Variants in OAS1 observed in about 807,000 individuals in gnomAD.
The protein encoded by OAS1 is 2'-5'-oligoadenylate synthase 1.
In OAS1, 24 loss-of-function variants were observed where a neutral mutation model predicts 38.5. That is an observed-to-expected ratio of 0.62 (90% CI 0.45 to 0.88). The LOEUF is 0.88. Among genes scored for constraint, OAS1 ranks in the 40% least tolerant of loss-of-function variants. The pLI is 0.00. For synonymous variants in OAS1, 169 were observed against 193.9 expected (o/e 0.87, Z 1.07); for missense variants, 482 against 493.9 (o/e 0.98, Z 0.23).
chr12:112,907,140 T>C lies in OAS1; in HGVS notation c.101T>C (p.Ile34Thr), dbSNP rs1023012042. The change falls in exon 1 of 6, where the codon ATT becomes ACT. Residue 34 changes from isoleucine (I) to threonine (T), a missense_variant. Ile to Thr is a moderately conservative substitution (Grantham distance 89). Coordinates refer to ENST00000202917, the MANE Select transcript of OAS1 (RefSeq NM_016816.4). ...TCFRMQINHAIDIICGFLKER... is the reference protein window; with the variant it reads ...TCFRMQINHATDIICGFLKER... ...TTCCGCATGCAAATCAACCATGCCA[T>C]TGACATCATCTGTGGGTTCCTGAAG... is the stretch of plus-strand genomic sequence containing the variant. The C allele has an allele frequency of 1.2e-6, 2 of 1,614,120 alleles. No individual in the cohort carries two copies. The highest frequency in any genetic ancestry group is 8.5e-7 in the Non-Finnish European group (1 of 1,180,050).
At chr12:112,921,385 AGT>A (rs2043527529), downstream of OAS1, among the ~76,000 whole-genome samples, 1 of 152,096 alleles carries the variant, frequency 6.6e-6, no homozygotes, top group South Asian at 2.1e-4. Flanking sequence ...GCCTTTTGAG[AGT>A]GTTTCATTTT....
intron 3 of OAS1, among the ~76,000 whole-genome samples, chr12:112,914,712 A>G (rs1462481739): frequency 7.1e-6 from 1 of 140,330 alleles, no homozygotes; most frequent in Non-Finnish European, 1.6e-5. Context: ...GCATTTTTCC[A>G]TATGCTTGTT....
At chr12:112,907,339 A>G in intron 1 of OAS1, 120 bp downstream of exon 1, 1 of 901,418 alleles carries the variant, frequency 1.1e-6, no homozygotes, top group Non-Finnish European at 1.7e-6. Flanking sequence ...AAATGTGAGT[A>G]CAGAGAGCTG....
intron 2 of OAS1, among the ~76,000 whole-genome samples, chr12:112,909,543 C>T (rs998078677): frequency 2.6e-5 from 4 of 152,106 alleles, no homozygotes; most frequent in African/African-American, 4.8e-5. Context: ...TGCCTGTGGT[C>T]GCAGTTATTC....
chr12:112,919,714 C>T lies in OAS1; in HGVS notation c.*161C>T. On this transcript the variant is annotated 3_prime_UTR_variant, in exon 6 of 6. Transcript: ENST00000202917. ...CCTGACTCCTGGCCTTCTATGCCCT[C>T]TATCCTATCATAGATAACATTCTCC... The T allele has an allele frequency of 6.6e-7, 1 of 1,522,740 alleles. No individual in the cohort carries two copies. Among genetic ancestry groups the T allele is most frequent in the Non-Finnish European group, 8.8e-7 (1 of 1,131,334 alleles). 94.3% of individuals were successfully genotyped at this position (1,522,740 alleles called of 1,614,324 possible).
chr12:112,919,579 G>T lies in OAS1; in HGVS notation c.*26G>T, dbSNP rs1168580428. 1.2e-6 allele frequency: 2 copies of T among 1,614,098 alleles called. No homozygotes were observed. Among genetic ancestry groups the T allele is most frequent in the African/African-American group, 1.3e-5 (1 of 74,940 alleles). ...ATGCCAGTGCATCTTGGGGGAAAGG[G>T]CTCCAGTGTTATCTGGACCAGTTCC... On this transcript the variant is annotated 3_prime_UTR_variant, in exon 6 of 6. Transcript: ENST00000202917.
chr12:112,910,971 C>A, intron 2 of OAS1, 80 bp from the exon 3 acceptor site: 1 of 1,347,592 alleles, frequency 7.4e-7, no homozygotes. Flanking sequence ...ACCCCATGGC[C>A]AGGGAGATTG....
chr12:112,923,044 CTGTA>C (rs1407309298), downstream of OAS1, among the ~76,000 whole-genome samples: 1 of 152,176 alleles, frequency 6.6e-6, no homozygotes, highest in East Asian at 1.9e-4. Context: ...TTTTTAAAGG[CTGTA>C]TGTGCACTGT....
At chr12:112,928,728 A>G (rs759819293) in intron 6 of OAS1, among the ~76,000 whole-genome samples, 18 of 152,238 alleles carry the variant, frequency 1.2e-4, no homozygotes, top group Non-Finnish European at 2.5e-4. Flanking sequence ...TCCACTGGCC[A>G]TGCAAGTCAC....
At chr12:112,927,547 C>T (rs974216012) in intron 6 of OAS1, among the ~76,000 whole-genome samples, 3 of 152,160 alleles carry the variant, frequency 2.0e-5, no homozygotes, top group African/African-American at 7.2e-5. Flanking sequence ...CCACAAATGG[C>T]GAGGCCTCCA....
chr12:112,924,233 G>T (rs2043546318), downstream of OAS1, among the ~76,000 whole-genome samples: 1 of 151,978 alleles, frequency 6.6e-6, no homozygotes, highest in South Asian at 2.1e-4. Context: ...CTTTTCCATT[G>T]GTCTATTTTT....
intron 3 of OAS1, among the ~76,000 whole-genome samples, chr12:112,914,735 T>G (rs990122123): frequency 6.0e-5 from 9 of 150,258 alleles, no homozygotes; most frequent in Admixed American, 2.0e-4. Flanking sequence ...TATTTGTTTT[T>G]TTTTTTTTTT....
At chr12:112,924,253 G>C (rs10850098), downstream of OAS1, among the ~76,000 whole-genome samples, 113,190 of 152,154 alleles carry the variant, frequency 0.74, 43,401 homozygotes, top group African/African-American at 0.94. Context: ...TTGTGTCCTT[G>C]AGTTAACACA....
chr12:112,929,266 T>C (rs2043582185), intron 6 of OAS1, among the ~76,000 whole-genome samples: 1 of 152,176 alleles, frequency 6.6e-6, no homozygotes, highest in Non-Finnish European at 1.5e-5. Flanking sequence ...CCCAGCTAGA[T>C]GGAAAGCTTT....
At chr12:112,930,209 TC>T (rs1472364636) in intron 6 of OAS1, among the ~76,000 whole-genome samples, 2 of 152,130 alleles carry the variant, frequency 1.3e-5, no homozygotes, top group African/African-American at 4.8e-5. Context: ...ATTGTAAGCC[TC>T]CTGAGGCCTC....
At chr12:112,914,084 C>T (rs565297767) in intron 3 of OAS1, among the ~76,000 whole-genome samples, 2 of 152,298 alleles carry the variant, frequency 1.3e-5, no homozygotes, top group African/African-American at 4.8e-5. Context: ...TAACCCTTGC[C>T]ACACCCCACC....
At chr12:112,916,902 C>A in intron 4 of OAS1, 164 bp downstream of exon 4, 2 of 621,570 alleles carry the variant, frequency 3.2e-6, no homozygotes, top group Non-Finnish European at 5.8e-6. Flanking sequence ...GTTTTAAACA[C>A]CTACCTCCAA....
intron 5 of OAS1, chr12:112,918,901 C>T (rs936392084): frequency 1.1e-5 from 3 of 263,748 alleles, no homozygotes; most frequent in Non-Finnish European, 2.3e-5. Flanking sequence ...AAGCAGACTC[C>T]AGGATGGAAT....
chr12:112,927,862 T>C (rs7304898), intron 6 of OAS1, among the ~76,000 whole-genome samples: 113,182 of 152,132 alleles, frequency 0.74, 43,401 homozygotes, highest in African/African-American at 0.94. Context: ...ATGCTGGAAA[T>C]AGAATCCAGC....
Sources: gnomAD v4.1 joint callset for allele counts (sites outside exome capture counted in the v4.1 genomes callset) on GRCh38, gnomAD v4.1.1 for gene constraint, MANE v1.5 for transcripts, NCBI Gene and HGNC (gene_info 2026-07-23, HGNC 2026-07-21) for gene names.